Variants in RNF217 observed in about 807,000 individuals in gnomAD.
The protein encoded by RNF217 is ring finger protein 217, also known as E3 ubiquitin-protein ligase RNF217.
RNF217 carries 31 observed loss-of-function variants against 57.8 expected under a neutral mutation model. The ratio of observed to expected loss-of-function variants is 0.54; its 90% CI spans 0.40 to 0.72. RNF217 has a LOEUF of 0.72. Among genes scored for constraint, RNF217 ranks in the 30% least tolerant of loss-of-function variants. RNF217 has a pLI of 0.00. For missense variants in RNF217, 696 were observed against 708.3 expected (o/e 0.98, Z 0.20); for synonymous variants, 313 against 294.0 (o/e 1.06, Z -0.66).
chr6:125,040,146 A>C (rs1241452192), intron 1 of RNF217, among the ~76,000 whole-genome samples: 1 of 152,174 alleles, frequency 6.6e-6, no homozygotes, highest in Non-Finnish European at 1.5e-5. Flanking sequence ...AAATCAATGA[A>C]TCCAGGAGCT....
rs558530244 is a variant in RNF217, at chr6:125,034,155, T to C, written c.883-11056T>C. 1.4e-3 allele frequency among the ~76,000 whole-genome samples: 206 copies of C among 152,298 alleles called. 1 individual carries two copies. Among genetic ancestry groups the C allele is most frequent in the African/African-American group, 4.7e-3 (195 of 41,574 alleles). ...TCCCATTTTGTAGGTTGCCTATTCA[T>C]TCTGATGGTAGTTTCTTTTGCTGTG... is the stretch of plus-strand genomic sequence containing the variant. On this transcript the variant is annotated intron_variant, in intron 1 of 5. Transcript: ENST00000521654.
chr6:124,999,680 A>C (rs1784895064), intron 1 of RNF217, among the ~76,000 whole-genome samples: 1 of 152,108 alleles, frequency 6.6e-6, no homozygotes, highest in South Asian at 2.1e-4. Context: ...AATGATGAAA[A>C]CTGCTTTGAA....
chr6:125,000,811 C>G (rs746855765), intron 1 of RNF217, among the ~76,000 whole-genome samples: 12 of 152,028 alleles, frequency 7.9e-5, no homozygotes, highest in African/African-American at 1.4e-4. Flanking sequence ...AAGTGGATAA[C>G]TGTAGTAAAA....
chr6:124,983,420 T>C, intron 1 of RNF217: 9 of 984,886 alleles, frequency 9.1e-6, no homozygotes, highest in Non-Finnish European at 1.1e-5. Context: ...GAGTGAAATA[T>C]GGTCAGGACA....
At chr6:124,996,985 C>T (rs899009656) in intron 1 of RNF217, among the ~76,000 whole-genome samples, 1 of 152,066 alleles carries the variant, frequency 6.6e-6, no homozygotes, top group East Asian at 1.9e-4. Flanking sequence ...AAAATATGTT[C>T]CTCTTCACAC....
chr6:125,072,541 T>G, intron 3 of RNF217, among the ~76,000 whole-genome samples: 1 of 152,146 alleles, frequency 6.6e-6, no homozygotes, highest in African/African-American at 2.4e-5. Context: ...GCAAACTTAT[T>G]TAAATGAAAT....
At chr6:124,967,818 G>A (rs1019338273) in intron 1 of RNF217, among the ~76,000 whole-genome samples, 6 of 151,670 alleles carry the variant, frequency 4.0e-5, no homozygotes, top group Non-Finnish European at 7.4e-5. Context: ...CCCTCTTGTC[G>A]CCCAGGCTGG....
intron 1 of RNF217, among the ~76,000 whole-genome samples, 152 bp downstream of exon 1, chr6:124,963,578 A>G (rs1362574412): frequency 1.3e-5 from 2 of 152,220 alleles, no homozygotes; most frequent in Non-Finnish European, 2.9e-5. Flanking sequence ...TTGTTATTTA[A>G]GTGTATTATG....
intron 2 of RNF217, chr6:125,046,500 A>AT: frequency 2.3e-6 from 1 of 438,872 alleles, no homozygotes; most frequent in Non-Finnish European, 4.6e-6. Flanking sequence ...TGTCTTCCAA[A>AT]TTTTTGAGCC....
chr6:125,076,713 TA>T lies in RNF217; in HGVS notation c.1340del (p.Asn447IlefsTer39), dbSNP rs1788388312. 1.2e-6 allele frequency: 2 copies of T among 1,613,324 alleles called. No homozygotes were observed. Among genetic ancestry groups the T allele is most frequent in the Non-Finnish European group, 1.7e-6 (2 of 1,179,428 alleles). ...ATATGACCTGCTCACAATGTAACAC[TA>T]ATTTTTGTTACCGATGTGGTGAGAG... ...DHMTCSQCNT[N>X]FCYRCGERYR... On this transcript the variant is annotated frameshift_variant, in exon 4 of 6. Transcript: ENST00000521654. LOFTEE classifies it high-confidence loss of function.
At chr6:124,988,311 T>G (rs1784430041) in intron 1 of RNF217, among the ~76,000 whole-genome samples, 1 of 152,272 alleles carries the variant, frequency 6.6e-6, no homozygotes, top group African/African-American at 2.4e-5. Flanking sequence ...TATGGCAGTT[T>G]TTCGTATTCT....
intron 3 of RNF217, among the ~76,000 whole-genome samples, chr6:125,062,491 T>C (rs1787773878): frequency 6.6e-6 from 1 of 152,152 alleles, no homozygotes; most frequent in African/African-American, 2.4e-5. Context: ...TATAGAATAT[T>C]TTTATGAAAA....
intron 3 of RNF217, among the ~76,000 whole-genome samples, chr6:125,059,782 C>T (rs1333680587): frequency 6.6e-6 from 1 of 152,136 alleles, no homozygotes; most frequent in East Asian, 1.9e-4. Context: ...TGTAGATAAA[C>T]TGTTAAGAGA....
chr6:125,087,750 A>G lies in RNF217; in HGVS notation c.*4813A>G, dbSNP rs957715467. The G allele has an allele frequency of 3.9e-5, 6 of 152,100 alleles. No homozygotes were observed. The highest frequency in any genetic ancestry group is 5.9e-5 in the Non-Finnish European group (4 of 67,992). 9.4% of individuals were successfully genotyped at this position (152,100 alleles called of 1,614,324 possible). A position where few individuals can be genotyped will look rare whatever the true frequency, so the allele number is the denominator to read the frequency against. On this transcript the variant is annotated 3_prime_UTR_variant, in exon 6 of 6. Transcript: ENST00000521654. The stretch of plus-strand genomic sequence containing the variant: ...GTAGTAATCTTGGAATGGTTATCAA[A>G]CCTAGCAAATAATACTTAATAAGTG...
At chr6:125,075,310 C>A (rs922267762) in intron 3 of RNF217, among the ~76,000 whole-genome samples, 2 of 152,068 alleles carry the variant, frequency 1.3e-5, no homozygotes, top group Non-Finnish European at 2.9e-5. Context: ...AACAGGAGAA[C>A]TGGGCAATTG....
At chr6:125,004,440 A>G (rs1582696979) in intron 1 of RNF217, among the ~76,000 whole-genome samples, 3 of 152,182 alleles carry the variant, frequency 2.0e-5, no homozygotes, top group Admixed American at 1.3e-4. Context: ...GGTAAGAGGG[A>G]TGAGGGTGGA....
At chr6:125,066,783 C>T (rs1246884479) in intron 3 of RNF217, among the ~76,000 whole-genome samples, 1 of 152,176 alleles carries the variant, frequency 6.6e-6, no homozygotes, top group Non-Finnish European at 1.5e-5. Flanking sequence ...GTATTTAGAG[C>T]TGCTGCCAGG....
At position 124,986,019 on chromosome 6, in the gene RNF217, C is replaced by T. The variant is rs1289862065; in HGVS notation, c.882+22593C>T. On this transcript the variant is annotated intron_variant, in intron 1 of 5. Transcript: ENST00000521654. ...CAATAGTGTTAAGAGATGAGGCGGG[C>T]CTTTGGGAGGTGATATAGGTCATGA... Among the ~76,000 whole-genome samples the T allele has an allele frequency of 2.6e-5, 4 of 151,954 alleles. No individual in the cohort carries two copies. In the East Asian group the frequency reaches 7.7e-4, roughly 29 times the overall value.
In RNF217 at chr6:124,962,743, C is replaced by G. The variant is rs2114962513; in HGVS notation, c.199C>G (p.Pro67Ala). 1 of 1,582,312 alleles carries G rather than the reference C, an allele frequency of 6.3e-7. No individual in the cohort carries two copies. The stretch of plus-strand genomic sequence containing the variant: ...CTGGGGCTGCGCGGACACCAGCGCC[C>G]CAGAGCCCGCGAGGAGCCTGGGGCC... Reference protein sequence around the residue: ...SDWGCADTSAPEPARSLGPPG... With the variant: ...SDWGCADTSAAEPARSLGPPG... The change falls in exon 1 of 6, where the codon CCA (proline) becomes GCA (alanine). Residue 67 changes from proline (P) to alanine (A), a missense_variant. Physicochemically the swap from Pro to Ala is conservative, Grantham distance 27. This residue lies in a region of RNF217 where 465 missense variants were observed against 386.8 expected (regional missense o/e 1.20). Coordinates refer to ENST00000521654, the MANE Select transcript of RNF217 (RefSeq NM_001286398.3). The surrounding 1 kb of genome is among the most constrained non-coding windows in gnomAD (Gnocchi z 4.6).
Sources: gnomAD v4.1 joint callset for allele counts (sites outside exome capture counted in the v4.1 genomes callset) on GRCh38, gnomAD v4.1.1 for gene constraint, gnomAD v4.1.1 regional missense constraint, Gnocchi (gnomAD v3.1) non-coding constraint, MANE v1.5 for transcripts, NCBI Gene and HGNC (gene_info 2026-07-23, HGNC 2026-07-21) for gene names.